RASEF: variants seen among roughly 807,000 people sequenced by gnomAD.
RASEF encodes the protein ras and EF-hand domain-containing protein.
Under a neutral mutation model 90.1 loss-of-function variants are expected in RASEF, and 68 were observed. That is an observed-to-expected ratio of 0.75 (90% CI 0.62 to 0.92). RASEF has a LOEUF of 0.92. RASEF is among the 40% of genes least tolerant of loss of function. RASEF has a pLI of 0.00. For synonymous variants in RASEF, 331 were observed against 345.2 expected (o/e 0.96, Z 0.46); for missense variants, 949 against 937.2 (o/e 1.01, Z -0.16).
the RASEF span, among the ~76,000 whole-genome samples, chr9:83,153,598 T>C: frequency 6.6e-6 from 1 of 152,306 alleles, no homozygotes; most frequent in Admixed American, 6.5e-5. Context: ...GCATTTCTTC[T>C]CCAACCCAGT....
chr9:83,092,003 C>CT, the RASEF span, among the ~76,000 whole-genome samples: 407 of 35,834 alleles, frequency 0.011, 5 homozygotes, highest in African/African-American at 0.02. Context: ...TCTTTTATTT[C>CT]TTTTTTTTTT....
chr9:83,181,218 G>T, the RASEF span, among the ~76,000 whole-genome samples: 4 of 151,408 alleles, frequency 2.6e-5, no homozygotes, highest in Non-Finnish European at 5.9e-5. Flanking sequence ...GAAAACTAGG[G>T]ATGTTTATCC....
the RASEF span, among the ~76,000 whole-genome samples, chr9:83,073,065 G>C: frequency 2.0e-5 from 3 of 152,114 alleles, no homozygotes; most frequent in African/African-American, 7.2e-5. Context: ...TTTGTGGCAC[G>C]TTTCTCTCCA....
chr9:83,049,124 C>CA (rs1232006240), intron 1 of RASEF: 1,614 of 84,648 alleles, frequency 0.019, no homozygotes, highest in Admixed American at 0.026. Context: ...ACTCCGTCTC[C>CA]AAAAAAAAAA....
chr9:83,044,561 T>C (rs867816565), intron 1 of RASEF, among the ~76,000 whole-genome samples: 2 of 152,176 alleles, frequency 1.3e-5, no homozygotes, highest in Non-Finnish European at 2.9e-5. Flanking sequence ...TACTTTGTTG[T>C]GGAGTGTTTA....
chr9:83,013,201 GAAC>G (rs201832525), intron 4 of RASEF, among the ~76,000 whole-genome samples: 19 of 151,890 alleles, frequency 1.3e-4, no homozygotes, highest in South Asian at 2.1e-4. Context: ...ATAACCTGGA[GAAC>G]AACAACAACA....
Position 83,025,791 on chromosome 9 carries a change from CCAA to C in RASEF, c.559_561del (p.Leu187del), listed in dbSNP as rs1829535290. 6.2e-7 allele frequency: 1 copy of C among 1,613,684 alleles called. No individual in the cohort carries two copies. The highest frequency in any genetic ancestry group is 1.3e-5 in the African/African-American group (1 of 74,884). On this transcript the variant is annotated inframe_deletion, in exon 2 of 17. Coordinates refer to ENST00000376447, the MANE Select transcript of RASEF (RefSeq NM_152573.4). ...CTTCAATACCTCTTCACCGCAATGG[CCAA>C]ATTTTCCATTTCTGTGCTTTGAAGT...
chr9:83,008,891 C>CTCATATATATATAT lies in RASEF; in HGVS notation c.959+749_959+750insATATATATATATGA, dbSNP rs57817845. Reference sequence around the variant, plus strand: ...TCCCAACTAAATTTGAAGTTCTCATCATATATATATATATATATATATATA... The same window carrying CTCATATATATATAT: ...TCCCAACTAAATTTGAAGTTCTCATCTCATATATATATATATATATATATATATATATATATATA... On this transcript the variant is annotated intron_variant, in intron 6 of 16. Coordinates refer to ENST00000376447, the MANE Select transcript of RASEF (RefSeq NM_152573.4). Among the ~76,000 whole-genome samples, 121 of 19,522 alleles carry CTCATATATATATAT rather than the reference C, an allele frequency of 6.2e-3. 17 individuals are homozygous for CTCATATATATATAT. Among genetic ancestry groups the CTCATATATATATAT allele is most frequent in the Non-Finnish European group, 8.9e-3 (77 of 8,608 alleles). 12.8% of individuals were successfully genotyped at this position (19,522 alleles called of 152,430 possible).
At chr9:83,207,294 A>G in the RASEF span, among the ~76,000 whole-genome samples, 1 of 152,102 alleles carries the variant, frequency 6.6e-6, no homozygotes, top group African/African-American at 2.4e-5. Flanking sequence ...AAGTGGGATA[A>G]ATTGAAGGCA....
the RASEF span, among the ~76,000 whole-genome samples, chr9:83,113,896 G>C: frequency 6.6e-6 from 1 of 152,126 alleles, no homozygotes; most frequent in Non-Finnish European, 1.5e-5. Flanking sequence ...TGAAGCATGT[G>C]ATCCTTGTTA....
chr9:83,080,568 C>T, the RASEF span, among the ~76,000 whole-genome samples: 1 of 152,030 alleles, frequency 6.6e-6, no homozygotes, highest in Admixed American at 6.6e-5. Flanking sequence ...AGGACTTTCC[C>T]TAAAAGAATT....
chr9:82,980,037 G>A lies in RASEF; in HGVS notation c.*2640C>T, dbSNP rs925612233. ...AAAAAAATAAATTATGAAAATGCAT[G>A]GGCTAAAAGTTAACAGTGAAAAATA... On this transcript the variant is annotated 3_prime_UTR_variant, in exon 17 of 17. Transcript: ENST00000376447. The A allele has an allele frequency of 1.3e-5, 2 of 152,004 alleles. No individual in the cohort carries two copies. The highest frequency in any genetic ancestry group is 4.8e-5 in the African/African-American group (2 of 41,386). 9.4% of individuals were successfully genotyped at this position (152,004 alleles called of 1,614,324 possible).
intron 1 of RASEF, among the ~76,000 whole-genome samples, chr9:83,026,634 G>A (rs1829555135): frequency 6.6e-6 from 1 of 152,262 alleles, no homozygotes; most frequent in East Asian, 1.9e-4. Context: ...TGGGGATTAT[G>A]GGGATAACCA....
chr9:82,999,273 A>G (rs1279049894), intron 12 of RASEF, among the ~76,000 whole-genome samples: 1 of 152,224 alleles, frequency 6.6e-6, no homozygotes, highest in Non-Finnish European at 1.5e-5. Context: ...TGGGTAACGG[A>G]TCATATATCT....
rs755819808 is a variant in RASEF at position 83,062,737 on chromosome 9, G to C, written c.131C>G (p.Pro44Arg). 5.1e-6 allele frequency: 8 copies of C among 1,569,722 alleles called. No homozygotes were observed. In the Admixed American group the frequency reaches 1.2e-4, roughly 24 times the overall value. ...CTGGAATACTGCCTCGGCGTCGGCC[G>C]GCCGCACCCGCAGCTCCGTGCACAG... ...RALCTELRVR[P>R]ADAEAVFQRL... The change falls in exon 1 of 17, where the codon CCG (proline) becomes CGG (arginine). Residue 44 changes from proline to arginine, a missense_variant. Physicochemically the swap from Pro to Arg is moderately radical, Grantham distance 103. Coordinates refer to ENST00000376447, the MANE Select transcript of RASEF (RefSeq NM_152573.4).
chr9:83,062,345 G>C (rs1041129811), intron 1 of RASEF, 92 bp downstream of exon 1: 6 of 1,213,208 alleles, frequency 4.9e-6, no homozygotes, highest in South Asian at 2.7e-5. Context: ...GACTAGGGGG[G>C]GGGGCCATTG....
the RASEF span, among the ~76,000 whole-genome samples, chr9:83,202,632 T>C: frequency 6.6e-6 from 1 of 152,040 alleles, no homozygotes; most frequent in African/African-American, 2.4e-5. Context: ...CCCGCCACTA[T>C]GCTTGGCTTG....
the RASEF span, among the ~76,000 whole-genome samples, chr9:83,197,005 C>A: frequency 6.6e-6 from 1 of 152,208 alleles, no homozygotes; most frequent in East Asian, 1.9e-4. Context: ...GTACTGGTGG[C>A]CACCAAAAAC....
At chr9:83,190,514 T>G in the RASEF span, among the ~76,000 whole-genome samples, 4 of 152,224 alleles carry the variant, frequency 2.6e-5, no homozygotes, top group Non-Finnish European at 4.4e-5. Context: ...GTTTACACCT[T>G]AGCTTTTTAT....
Sources: gnomAD v4.1 joint callset for allele counts (sites outside exome capture counted in the v4.1 genomes callset) on GRCh38, gnomAD v4.1.1 for gene constraint, MANE v1.5 for transcripts, NCBI Gene and HGNC (gene_info 2026-07-23, HGNC 2026-07-21) for gene names.